Variants in AP3M1 observed in about 807,000 individuals in gnomAD.
The protein encoded by AP3M1 is AP-3 complex subunit mu-1.
Under a neutral mutation model 42.6 loss-of-function variants are expected in AP3M1, and 29 were observed. The ratio of observed to expected loss-of-function variants is 0.68; its 90% CI spans 0.51 to 0.93. The LOEUF (loss-of-function observed/expected upper bound fraction) is 0.93. AP3M1 is among the 40% of genes least tolerant of loss of function. The pLI is 0.00. For missense variants in AP3M1, 416 were observed against 510.2 expected (o/e 0.82, Z 1.78); for synonymous variants, 178 against 175.3 (o/e 1.02, Z -0.12).
At chr10:74,148,803 C>T (rs1403307120) in intron 1 of AP3M1, among the ~76,000 whole-genome samples, 2 of 152,032 alleles carry the variant, frequency 1.3e-5, no homozygotes, top group African/African-American at 2.4e-5. Context: ...GTGATTTTCC[C>T]GCCTCACCCA....
chr10:74,124,295 G>A, intron 8 of AP3M1, 85 bp downstream of exon 8: 1 of 1,495,128 alleles, frequency 6.7e-7, no homozygotes. Flanking sequence ...TCTAGAGAAG[G>A]AAACTTTTGT....
Position 74,121,602 on chromosome 10 carries a change from C to G in AP3M1, c.*2208G>C, listed in dbSNP as rs1051995592. ...TAAGCCAAGTATGAATGGCTATTAACATACTGAGGTTAGGGAAGGAGTACT... is the reference window on the plus strand; with the variant it reads ...TAAGCCAAGTATGAATGGCTATTAAGATACTGAGGTTAGGGAAGGAGTACT... On this transcript the variant is annotated 3_prime_UTR_variant, in exon 9 of 9. Transcript: ENST00000355264. The G allele has an allele frequency of 3.9e-5, 6 of 152,328 alleles. No homozygotes were observed. Among genetic ancestry groups the G allele is most frequent in the African/African-American group, 1.4e-4 (6 of 41,566 alleles). 9.4% of individuals were successfully genotyped at this position (152,328 alleles called of 1,614,324 possible).
At position 74,138,281 on chromosome 10, in the gene AP3M1, A is replaced by G. The variant is rs1333947440; in HGVS notation, c.99T>C (p.Phe33=). ...CATCAGCAGCTTTCTCTTGAGCTTC[A>G]AAGAAATAATCACAGACAGACTGGC... The part of the protein sequence containing the change: ...VVSQSVCDYF[F]EAQEKAADVE... Residue 33 remains phenylalanine, a synonymous_variant, in exon 2 of 9, where the codon TTT becomes TTC. Transcript: ENST00000355264. 1.9e-6 allele frequency: 3 copies of G among 1,613,738 alleles called. No individual in the cohort carries two copies. Among genetic ancestry groups the G allele is most frequent in the Non-Finnish European group, 2.5e-6 (3 of 1,179,902 alleles).
At chr10:74,144,345 A>G (rs1841264697) in intron 1 of AP3M1, among the ~76,000 whole-genome samples, 1 of 151,702 alleles carries the variant, frequency 6.6e-6, no homozygotes, top group East Asian at 1.9e-4. Context: ...GCTCACTCCA[A>G]CGCCCACCTC....
chr10:74,133,246 T>C lies in AP3M1; in HGVS notation c.583+781A>G, dbSNP rs1840834528. Among the ~76,000 whole-genome samples the C allele has an allele frequency of 3.3e-5, 5 of 151,876 alleles. No homozygotes were observed. The South Asian group carries it at 1.0e-3, about 32-fold the overall frequency. ...CCCATCTCCACCAAAAACACAAAAT[T>C]AGCTGGGCATGCTGGTGCATGCCTG... On this transcript the variant is annotated intron_variant, in intron 4 of 8. Coordinates refer to ENST00000355264, the MANE Select transcript of AP3M1 (RefSeq NM_012095.6).
chr10:74,144,765 C>T lies in AP3M1; in HGVS notation c.-4+5990G>A, dbSNP rs1249189326. 2.6e-5 allele frequency among the ~76,000 whole-genome samples: 4 copies of T among 151,666 alleles called. No homozygotes were observed. In the South Asian group the frequency reaches 6.3e-4, roughly 24 times the overall value. Reference sequence around the variant, plus strand: ...ACAACCTCCGCCTGCTGGGTTCAAGCGATTCTCCTGCCTCAGCCTCCCGAG... The same window carrying T: ...ACAACCTCCGCCTGCTGGGTTCAAGTGATTCTCCTGCCTCAGCCTCCCGAG... On this transcript the variant is annotated intron_variant, in intron 1 of 8. Coordinates refer to ENST00000355264, the MANE Select transcript of AP3M1 (RefSeq NM_012095.6).
At position 74,136,825 on chromosome 10, in the gene AP3M1, A is replaced by G. The variant is rs776752700; in HGVS notation, c.274-22T>C. On this transcript the variant is annotated intron_variant, in intron 2 of 8. Coordinates refer to ENST00000355264, the MANE Select transcript of AP3M1 (RefSeq NM_012095.6). ...AGTCCTGACAAAATACACACAAAAT[A>G]TCACACAATGGAAGGCAAAAAGAAA... 5 of 1,461,224 alleles carry G rather than the reference A, an allele frequency of 3.4e-6. No individual in the cohort carries two copies. In the African/African-American group the frequency reaches 5.6e-5, roughly 16 times the overall value. 90.5% of individuals were successfully genotyped at this position (1,461,224 alleles called of 1,614,324 possible). A position where few individuals can be genotyped will look rare whatever the true frequency, so the allele number is the denominator to read the frequency against.
chr10:74,132,254 T>C (rs1051023503), intron 4 of AP3M1, among the ~76,000 whole-genome samples: 1 of 151,894 alleles, frequency 6.6e-6, no homozygotes, highest in Non-Finnish European at 1.5e-5. Context: ...GCCAGGCTGG[T>C]CTCAAACTCC....
rs200994161 is a variant in AP3M1 at position 74,133,476 on chromosome 10, G to A, written c.583+551C>T. Among the ~76,000 whole-genome samples the A allele has an allele frequency of 5.9e-5, 9 of 151,860 alleles. No individual in the cohort carries two copies. The East Asian group carries it at 1.6e-3, about 26-fold the overall frequency. On this transcript the variant is annotated intron_variant, in intron 4 of 8. Coordinates refer to ENST00000355264, the MANE Select transcript of AP3M1 (RefSeq NM_012095.6). ...CTTGGGAAGCTGAAGCAGCAGGATC[G>A]CTTGAATCCAGGAGGTGAAGGTTCC...
intron 1 of AP3M1, among the ~76,000 whole-genome samples, chr10:74,144,244 A>C (rs1163754880): frequency 6.6e-6 from 1 of 151,670 alleles, no homozygotes; most frequent in East Asian, 1.9e-4. Context: ...TACAGGCGTG[A>C]GCCACCATGC....
At chr10:74,138,529 A>G (rs779538926) in intron 1 of AP3M1, 147 bp from the exon 2 acceptor site, 2 of 623,942 alleles carry the variant, frequency 3.2e-6, no homozygotes, top group Middle Eastern at 4.4e-4. Flanking sequence ...ATGATATACA[A>G]TAAGAACTAA....
In AP3M1 at chr10:74,138,398, A is replaced by C; in HGVS notation, c.-3-16T>G. ...GGATCATTTTCTGTTGGGGCAAAGA[A>C]AGGTTTAAATTTATTATACATTAAA... On this transcript the variant is annotated splice_polypyrimidine_tract_variant and intron_variant, in intron 1 of 8. Transcript: ENST00000355264. 2 of 1,601,776 alleles carry C rather than the reference A, an allele frequency of 1.2e-6. No homozygotes were observed. The highest frequency in any genetic ancestry group is 4.5e-5 in the East Asian group (2 of 44,756).
At chr10:74,136,942 GA>G (rs1394265561) in intron 2 of AP3M1, 139 bp from the exon 3 acceptor site, 7 of 530,998 alleles carry the variant, frequency 1.3e-5, no homozygotes, top group South Asian at 6.5e-5. Context: ...CAGAGCGGGG[GA>G]AAAAACCCTC....
chr10:74,134,221 T>G (rs1270399052), intron 3 of AP3M1, 57 bp from the exon 4 acceptor site: 7 of 1,539,186 alleles, frequency 4.5e-6, no homozygotes, highest in Non-Finnish European at 6.1e-6. Context: ...ATGAGAAAAT[T>G]TATTACTAGG....
rs1841358869 is a variant in AP3M1, at chr10:74,147,215, G to A, written c.-4+3540C>T. ...CAGGAGAATCGCTTGAACCCGGGAG[G>A]TGGAGGCTGCAGTGAGCCGAGATGG... On this transcript the variant is annotated intron_variant, in intron 1 of 8. Coordinates refer to ENST00000355264, the MANE Select transcript of AP3M1 (RefSeq NM_012095.6). Among the ~76,000 whole-genome samples, 3 of 152,168 alleles carry A rather than the reference G, an allele frequency of 2.0e-5. 1 individual carries two copies. Among genetic ancestry groups the A allele is most frequent in the South Asian group, 4.1e-4 (2 of 4,832 alleles).
Position 74,123,710 on chromosome 10 carries a change from T to C in AP3M1, c.*100A>G. Reference sequence around the variant, plus strand: ...GCGGTGTGTAGCTAGACACAAATGCTTTAACTAGAATATGTATTCCCACTC... The same window carrying C: ...GCGGTGTGTAGCTAGACACAAATGCCTTAACTAGAATATGTATTCCCACTC... On this transcript the variant is annotated 3_prime_UTR_variant, in exon 9 of 9. Transcript: ENST00000355264. 2.2e-6 allele frequency: 2 copies of C among 903,280 alleles called. No homozygotes were observed. The highest frequency in any genetic ancestry group is 3.6e-6 in the Non-Finnish European group (2 of 549,102). The allele number at this position is 903,280 out of a possible 1,614,324, so 56.0% of individuals were successfully genotyped here.
chr10:74,129,763 G>C (rs1213600188), intron 5 of AP3M1, 144 bp downstream of exon 5: 1 of 661,056 alleles, frequency 1.5e-6, no homozygotes, highest in Non-Finnish European at 2.6e-6. Context: ...GTAAGCGACT[G>C]TCTTAGGAAA....
At position 74,140,525 on chromosome 10, in the gene AP3M1, G is replaced by C. The variant is rs868171054; in HGVS notation, c.-3-2143C>G. On this transcript the variant is annotated intron_variant, in intron 1 of 8. Coordinates refer to ENST00000355264, the MANE Select transcript of AP3M1 (RefSeq NM_012095.6). ...GTCTGAAATGCTTCATCTACAGTCT[G>C]ATTTACTATGAAACAAGAATTGGGG... 4.0e-4 allele frequency among the ~76,000 whole-genome samples: 61 copies of C among 152,026 alleles called. No homozygotes were observed. In the Middle Eastern group the frequency reaches 0.017, roughly 42 times the overall value.
At chr10:74,137,239 C>CAAACAAAACA (rs374186440) in intron 2 of AP3M1, among the ~76,000 whole-genome samples, 19,019 of 151,176 alleles carry the variant, frequency 0.13, 1,209 homozygotes, top group Middle Eastern at 0.21. Context: ...GACTCCGTCT[C>CAAACAAAACA]AAACAAAACA....
Sources: allele counts gnomAD v4.1 joint callset (sites outside exome capture counted in the v4.1 genomes callset), GRCh38; gene constraint gnomAD v4.1.1; transcripts MANE v1.5; gene names NCBI Gene and HGNC (gene_info 2026-07-23, HGNC 2026-07-21).